Variants in DGKB observed in about 807,000 individuals in gnomAD.
The protein encoded by DGKB is diacylglycerol kinase beta.
Under a neutral mutation model 114.3 loss-of-function variants are expected in DGKB, and 67 were observed. The ratio of observed to expected loss-of-function variants is 0.59; its 90% CI spans 0.48 to 0.72. DGKB has a LOEUF of 0.72. Among genes scored for constraint, DGKB ranks in the 30% least tolerant of loss-of-function variants. The pLI is 0.00. For missense variants in DGKB, 907 were observed against 975.2 expected, an observed-to-expected ratio of 0.93 and a Z score of 0.93; for synonymous variants, 398 against 323.1, an observed-to-expected ratio of 1.23 and a Z score of -2.49.
chr7:14,692,849 G>C (rs1027551956), intron 9 of DGKB, among the ~76,000 whole-genome samples: 2 of 151,630 alleles, frequency 1.3e-5, no homozygotes, highest in East Asian at 1.9e-4. Flanking sequence ...TGAAGACCCA[G>C]GTAAAAAAGA....
intron 2 of DGKB, among the ~76,000 whole-genome samples, chr7:14,818,318 TATTA>T (rs1844449166): frequency 1.3e-5 from 2 of 152,196 alleles, no homozygotes; most frequent in African/African-American, 4.8e-5. Context: ...TTCTATTCTT[TATTA>T]ATTCAGATAC....
At chr7:14,449,044 T>C (rs185307661) in intron 21 of DGKB, among the ~76,000 whole-genome samples, 148 of 152,176 alleles carry the variant, frequency 9.7e-4, no homozygotes, top group Non-Finnish European at 1.5e-3. Flanking sequence ...CACAACTACA[T>C]ATAAAAACTA....
At chr7:14,948,361 T>A (rs1727821906) in intron 1 of DGKB, among the ~76,000 whole-genome samples, 1 of 151,842 alleles carries the variant, frequency 6.6e-6, no homozygotes, top group African/African-American at 2.4e-5. Context: ...AGCCTCTGCA[T>A]GAACTACAAC....
At chr7:14,370,296 A>T (rs1254556376) in intron 21 of DGKB, among the ~76,000 whole-genome samples, 1 of 151,394 alleles carries the variant, frequency 6.6e-6, no homozygotes, top group Non-Finnish European at 1.5e-5. Flanking sequence ...GTTGTGTTCC[A>T]TTGGTCTATA....
At chr7:14,816,129 G>A (rs894807942) in intron 2 of DGKB, among the ~76,000 whole-genome samples, 4 of 152,078 alleles carry the variant, frequency 2.6e-5, no homozygotes, top group Admixed American at 2.6e-4. Flanking sequence ...TCAGGAGGGC[G>A]AGACCAGCCT....
intron 12 of DGKB, among the ~76,000 whole-genome samples, chr7:14,680,417 A>T (rs1820627435): frequency 6.6e-6 from 1 of 151,970 alleles, no homozygotes; most frequent in African/African-American, 2.4e-5. Flanking sequence ...GTCTATTGAA[A>T]AGTGATATCC....
At chr7:14,383,364 T>C (rs1583544472) in intron 21 of DGKB, among the ~76,000 whole-genome samples, 1 of 152,370 alleles carries the variant, frequency 6.6e-6, no homozygotes, top group East Asian at 1.9e-4. Flanking sequence ...GAATCAGTTT[T>C]AAACTTGTAG....
chr7:14,812,470 C>T (rs141974637), intron 2 of DGKB, among the ~76,000 whole-genome samples: 2 of 152,160 alleles, frequency 1.3e-5, no homozygotes, highest in African/African-American at 2.4e-5. Context: ...CTCACGTGGA[C>T]ATTTAAATTT....
intron 21 of DGKB, among the ~76,000 whole-genome samples, chr7:14,371,106 T>A (rs1020658455): frequency 1.3e-5 from 2 of 152,178 alleles, no homozygotes; most frequent in Non-Finnish European, 2.9e-5. Context: ...TCTTGGCTAG[T>A]GTGAATAGTG....
rs73285845 is a variant in DGKB, at chr7:14,509,207, G to T, written c.1771-30982C>A. 4.0e-3 allele frequency among the ~76,000 whole-genome samples: 616 copies of T among 152,146 alleles called. 4 individuals carry two copies. The highest frequency in any genetic ancestry group is 0.014 in the African/African-American group (579 of 41,502). On this transcript the variant is annotated intron_variant, in intron 20 of 25. Transcript: ENST00000402815. ...TAGGAATACCTCAGAGATATTGAGG[G>T]TTCAGTTCTAGAACACCACAATAAA...
chr7:14,434,630 T>C (rs1828974063), intron 21 of DGKB, among the ~76,000 whole-genome samples: 1 of 152,172 alleles, frequency 6.6e-6, no homozygotes, highest in East Asian at 1.9e-4. Context: ...GTGTTGAATA[T>C]CTGACCTATA....
intron 1 of DGKB, among the ~76,000 whole-genome samples, chr7:14,849,950 C>T (rs553649283): frequency 5.9e-5 from 9 of 152,232 alleles, no homozygotes; most frequent in East Asian, 5.8e-4. Context: ...TCTGAGGAGA[C>T]GAGTTCTTAT....
At chr7:14,959,374 TAG>T (rs1382531478) in intron 1 of DGKB, among the ~76,000 whole-genome samples, 1 of 145,974 alleles carries the variant, frequency 6.9e-6, no homozygotes. Flanking sequence ...TTCAGTGAAA[TAG>T]AGTTTTTTTT....
intron 2 of DGKB, among the ~76,000 whole-genome samples, chr7:14,795,375 T>C (rs1048725478): frequency 6.6e-6 from 1 of 152,172 alleles, no homozygotes; most frequent in Non-Finnish European, 1.5e-5. Context: ...AAGTTGAAAA[T>C]ACTTGGCATG....
rs774840184 is a variant in DGKB at position 14,245,437 on chromosome 7, T to TA, written c.2123-67287dup. ...AAAGAATGGAGCTGAATAAGCCAGGTAAGCATCGGAAAAGGGATATCACAG... is the reference window on the plus strand; with the variant it reads ...AAAGAATGGAGCTGAATAAGCCAGGTAAAGCATCGGAAAAGGGATATCACAG... On this transcript the variant is annotated intron_variant, in intron 23 of 25. Coordinates refer to ENST00000402815, the MANE Select transcript of DGKB (RefSeq NM_001350709.2). 1.1e-4 allele frequency among the ~76,000 whole-genome samples: 16 copies of TA among 152,214 alleles called. No homozygotes were observed. The East Asian group carries it at 3.1e-3, about 29-fold the overall frequency.
chr7:14,403,615 G>A (rs2128730515), intron 21 of DGKB, among the ~76,000 whole-genome samples: 1 of 151,964 alleles, frequency 6.6e-6, no homozygotes, highest in East Asian at 1.9e-4. Flanking sequence ...AACTCCTGTT[G>A]GAGAACTCTT....
rs10538591 is a variant in DGKB at position 14,274,942 on chromosome 7, A to AGTGTGTGTGT, written c.2122+63563_2122+63572dup. ...TGGGGGGTGCACTTCAGTCCATAGC[A>AGTGTGTGTGT]GTGTGTGTGTGTGTGTGTGTGTGTG... On this transcript the variant is annotated intron_variant, in intron 23 of 25. Coordinates refer to ENST00000402815, the MANE Select transcript of DGKB (RefSeq NM_001350709.2). Among the ~76,000 whole-genome samples the AGTGTGTGTGT allele has an allele frequency of 7.7e-3, 1,131 of 146,370 alleles. 14 individuals are homozygous for AGTGTGTGTGT. The highest frequency in any genetic ancestry group is 0.026 in the African/African-American group (1,046 of 40,146).
At chr7:14,668,183 T>C (rs1238796686) in intron 13 of DGKB, among the ~76,000 whole-genome samples, 1 of 152,110 alleles carries the variant, frequency 6.6e-6, no homozygotes, top group Non-Finnish European at 1.5e-5. Context: ...ACAAGGATGC[T>C]ACTGGGACAA....
At chr7:14,693,482 A>C (rs544037462) in intron 9 of DGKB, among the ~76,000 whole-genome samples, 2 of 151,904 alleles carry the variant, frequency 1.3e-5, no homozygotes, top group Non-Finnish European at 2.9e-5. Context: ...ACTCCAAGAA[A>C]ACTTTTGACA....
Sources: gnomAD v4.1 joint callset for allele counts (sites outside exome capture counted in the v4.1 genomes callset) on GRCh38, gnomAD v4.1.1 for gene constraint, MANE v1.5 for transcripts, NCBI Gene and HGNC (gene_info 2026-07-23, HGNC 2026-07-21) for gene names.